Variants in NLRP7 observed in about 807,000 individuals in gnomAD.
The protein encoded by NLRP7 is NLR family pyrin domain containing 7, also known as NACHT, LRR and PYD domains-containing protein 7.
Under a neutral mutation model 85.5 loss-of-function variants are expected in NLRP7, and 72 were observed. The ratio of observed to expected loss-of-function variants is 0.84; its 90% CI spans 0.70 to 1.02. The LOEUF (loss-of-function observed/expected upper bound fraction) is 1.02. Ranked by LOEUF, NLRP7 falls within the 50% of genes least tolerant of loss-of-function variation. NLRP7 has a pLI of 0.00. For synonymous variants in NLRP7, 550 were observed against 505.2 expected (o/e 1.09, Z -1.19); for missense variants, 1,243 against 1,219.5 (o/e 1.02, Z -0.29).
At chr19:54,924,713 A>G (rs2068360429) in intron 9 of NLRP7, among the ~76,000 whole-genome samples, 2 of 152,176 alleles carry the variant, frequency 1.3e-5, no homozygotes, top group South Asian at 4.1e-4. Flanking sequence ...AGGCGGGCAG[A>G]TCACCTGAGG....
At chr19:54,951,448 G>A (rs957055053), upstream of NLRP7, among the ~76,000 whole-genome samples, 6 of 152,020 alleles carry the variant, frequency 3.9e-5, no homozygotes, top group Non-Finnish European at 7.4e-5. Context: ...TCGAGAGGCT[G>A]AGGCAGAATT....
intron 1 of NLRP7, among the ~76,000 whole-genome samples, chr19:54,960,026 C>T (rs866901328): frequency 1.3e-5 from 2 of 151,944 alleles, no homozygotes; most frequent in African/African-American, 2.4e-5. Context: ...TCAGTTCATC[C>T]GATACTCTGT....
chr19:54,935,922 C>T (rs997026912), intron 6 of NLRP7, among the ~76,000 whole-genome samples: 3 of 151,798 alleles, frequency 2.0e-5, no homozygotes, highest in Non-Finnish European at 2.9e-5. Flanking sequence ...GTGGAAAAAA[C>T]TGTCTTGTGC....
intron 3 of NLRP7, among the ~76,000 whole-genome samples, 167 bp from the exon 4 acceptor site, chr19:54,940,633 C>G (rs906557046): frequency 6.6e-6 from 1 of 152,028 alleles, no homozygotes; most frequent in Non-Finnish European, 1.5e-5. Flanking sequence ...TCAAGACCAG[C>G]CTGGCCAAGA....
At chr19:54,937,451 G>A (rs77505451) in intron 5 of NLRP7, among the ~76,000 whole-genome samples, 3,211 of 151,870 alleles carry the variant, frequency 0.021, 46 homozygotes, top group Middle Eastern at 0.045. Flanking sequence ...CAGCACTTTC[G>A]AAGACCGAGG....
intron 6 of NLRP7, 116 bp downstream of exon 6, chr19:54,936,145 G>A (rs1376643475): frequency 4.5e-6 from 4 of 889,676 alleles, no homozygotes; most frequent in East Asian, 2.5e-5. Context: ...CCTGTTTGAG[G>A]AATACATTCC....
upstream of NLRP7, among the ~76,000 whole-genome samples, chr19:54,949,860 T>C (rs1229992859): frequency 6.6e-6 from 1 of 152,104 alleles, no homozygotes; most frequent in East Asian, 1.9e-4. Flanking sequence ...CCCAACGCTT[T>C]GGGAGGCCTA....
intron 1 of NLRP7, among the ~76,000 whole-genome samples, chr19:54,963,257 G>C (rs2070122369): frequency 6.6e-6 from 1 of 151,930 alleles, no homozygotes; most frequent in African/African-American, 2.4e-5. Context: ...ATCTAGTCAG[G>C]CGTGATGGCG....
exon 4 of NLRP7, chr19:54,939,929 A>C: frequency 6.2e-7 from 1 of 1,614,086 alleles, no homozygotes; most frequent in East Asian, 2.2e-5. Flanking sequence ...GGTGACCAGC[A>C]AGGCTGCCCT....
rs754413132 is a variant in NLRP7, at chr19:54,941,761, A to G, written c.-39-11T>C. On this transcript the variant is annotated splice_polypyrimidine_tract_variant and intron_variant, in intron 1 of 9. Transcript: ENST00000340844. ...GTTAAGGCTGAAGAACTGGGGGGAA[A>G]AAAGGAAAAACAGTTCACGAGTTAC... 6 of 1,579,762 alleles carry G rather than the reference A, an allele frequency of 3.8e-6. No individual in the cohort carries two copies. The highest frequency in any genetic ancestry group is 5.1e-6 in the Non-Finnish European group (6 of 1,167,048).
chr19:54,964,462 T>G (rs868863359), intron 1 of NLRP7, among the ~76,000 whole-genome samples: 2 of 149,268 alleles, frequency 1.3e-5, no homozygotes, highest in African/African-American at 2.5e-5. Flanking sequence ...GTGATCCACC[T>G]GCCTCGGCCT....
At chr19:54,939,729 C>T (rs1416530931) in exon 4 of NLRP7, 8 of 1,613,384 alleles carry the variant, frequency 5.0e-6, no homozygotes, top group East Asian at 2.2e-5. Context: ...CAGCACACCG[C>T]GGGGGCCGAG....
At chr19:54,962,821 C>A (rs775847) in intron 1 of NLRP7, among the ~76,000 whole-genome samples, 17 of 147,202 alleles carry the variant, frequency 1.2e-4, no homozygotes, top group South Asian at 4.3e-4. Context: ...GGATGGTCTC[C>A]ATCTCCTGAC....
chr19:54,927,274 G>T (rs1251756820), intron 9 of NLRP7, among the ~76,000 whole-genome samples: 2 of 149,924 alleles, frequency 1.3e-5, no homozygotes, highest in African/African-American at 4.9e-5. Flanking sequence ...CCAGCTACTT[G>T]GGAGGCCAAG....
chr19:54,927,531 G>A, intron 9 of NLRP7, 74 bp downstream of exon 10: 3 of 1,487,022 alleles, frequency 2.0e-6, no homozygotes, highest in Non-Finnish European at 2.8e-6. Flanking sequence ...ACTCCAGCCT[G>A]AATGACAGAG....
chr19:54,929,526 A>G (rs1483005592), intron 9 of NLRP7, among the ~76,000 whole-genome samples: 1 of 152,160 alleles, frequency 6.6e-6, no homozygotes. Context: ...TTGGGGAGAG[A>G]AGTGATGAAG....
In NLRP7 at chr19:54,939,165, G is replaced by A; in HGVS notation, c.1654C>T (p.Gln552Ter). 6.2e-7 allele frequency: 1 copy of A among 1,614,234 alleles called. No homozygotes were observed. The highest frequency in any genetic ancestry group is 8.5e-7 in the Non-Finnish European group (1 of 1,180,032). ...TTTGCATGAAGATGTGCTTTGCATT[G>A]CAGCAATTCCTGTTTGATGTCCGGT... The change falls in exon 4 of 10, where the codon CAA becomes TAA. Residue 552 changes from glutamine to a stop codon, truncating the protein, a stop_gained. Transcript: ENST00000340844. LOFTEE classifies it high-confidence loss of function.
chr19:54,937,712 A>G (rs1290179018), intron 5 of NLRP7, among the ~76,000 whole-genome samples: 1 of 152,098 alleles, frequency 6.6e-6, no homozygotes, highest in African/African-American at 2.4e-5. Context: ...AGCCTGGGCA[A>G]CACGGTGAAA....
chr19:54,936,440 A>G lies in NLRP7; in HGVS notation c.2130-9T>C. 1 of 1,612,372 alleles carries G rather than the reference A, an allele frequency of 6.2e-7. No homozygotes were observed. Among genetic ancestry groups the G allele is most frequent in the Non-Finnish European group, 8.5e-7 (1 of 1,178,404 alleles). On this transcript the variant is annotated splice_polypyrimidine_tract_variant and intron_variant, in intron 5 of 9. Coordinates refer to ENST00000340844, the Ensembl canonical transcript of NLRP7. ...GGGTGACGTTTTTAATCCTAGGGAA[A>G]AGCAGAAGAGATTCCACTTGGAGTG...
Sources: gnomAD v4.1 joint callset for allele counts (sites outside exome capture counted in the v4.1 genomes callset) on GRCh38, gnomAD v4.1.1 for gene constraint, MANE v1.5 for transcripts, NCBI Gene and HGNC (gene_info 2026-07-23, HGNC 2026-07-21) for gene names.